FAM90A20: variants seen among roughly 807,000 people sequenced by gnomAD.
FAM90A20 encodes the protein family with sequence similarity 90 member A20.
chr8:7,295,761 G>A, the FAM90A20 span: 2 of 1,287,748 alleles, frequency 1.6e-6, no homozygotes, highest in South Asian at 1.2e-5. Context: ...CTGAAACCAT[G>A]GAAGCCTGGG....
At chr8:7,296,272 C>T in the FAM90A20 span, 6 of 719,428 alleles carry the variant, frequency 8.3e-6, 1 homozygote, top group South Asian at 2.8e-5. Flanking sequence ...ACGGCCTGAC[C>T]TTTTTCTGTT....
the FAM90A20 span, chr8:7,296,467 C>G: frequency 4.8e-5 from 33 of 689,418 alleles, 5 homozygotes; most frequent in Non-Finnish European, 8.0e-5. Flanking sequence ...TTTCAGCTTC[C>G]CGTCTGCGGG....
At chr8:7,297,459 G>A in the FAM90A20 span, 6 of 1,549,790 alleles carry the variant, frequency 3.9e-6, no homozygotes, top group South Asian at 1.1e-5. Flanking sequence ...GCCACACACA[G>A]CTTGGGCCTA....
the FAM90A20 span, chr8:7,297,334 T>G: frequency 2.9e-6 from 4 of 1,370,154 alleles, no homozygotes; most frequent in Non-Finnish European, 4.1e-6. Context: ...GCCCTGAGGG[T>G]AGCTGCCGAG....
chr8:7,297,041 G>T, the FAM90A20 span: 2 of 1,476,106 alleles, frequency 1.4e-6, no homozygotes, highest in South Asian at 2.4e-5. Context: ...CTTCTAACCT[G>T]TGTTGTTTCC....
chr8:7,297,160 C>T, the FAM90A20 span: 7 of 1,531,810 alleles, frequency 4.6e-6, no homozygotes, highest in Non-Finnish European at 6.2e-6. Context: ...CTGGCAGGGG[C>T]TCCGTCTTGG....
At chr8:7,297,701 A>T in the FAM90A20 span, 6 of 1,433,210 alleles carry the variant, frequency 4.2e-6, no homozygotes, top group Admixed American at 1.7e-5. Context: ...CCAGGTGCCC[A>T]GCGTTGAACG....
chr8:7,297,788 G>C, the FAM90A20 span: 1 of 1,319,622 alleles, frequency 7.6e-7, no homozygotes, highest in Non-Finnish European at 1.0e-6. Flanking sequence ...GGCCAGCCAT[G>C]ATGGGGCCCA....
chr8:7,297,650 G>C, the FAM90A20 span: 208 of 1,394,066 alleles, frequency 1.5e-4, 14 homozygotes, highest in Middle Eastern at 9.7e-4. Flanking sequence ...AACCGAACTT[G>C]GACCAAGTAG....
the FAM90A20 span, chr8:7,295,712 G>C: frequency 1.2e-6 from 1 of 864,480 alleles, no homozygotes; most frequent in Non-Finnish European, 1.9e-6. Context: ...GGCAGCCCTG[G>C]TTCCAGCGAC....
the FAM90A20 span, chr8:7,295,120 A>G: frequency 3.2e-5 from 2 of 63,140 alleles, no homozygotes; most frequent in Non-Finnish European, 5.1e-5. Flanking sequence ...CCCCCGCCCG[A>G]TGAAGAAGAT....
chr8:7,296,420 G>T, the FAM90A20 span: 2 of 732,460 alleles, frequency 2.7e-6, no homozygotes, highest in Admixed American at 1.8e-5. Context: ...CCGGGCCCCT[G>T]GTCCTTTTAT....
the FAM90A20 span, chr8:7,296,498 TTTC>T: frequency 1.5e-6 from 1 of 650,552 alleles, no homozygotes; most frequent in Non-Finnish European, 2.8e-6. Flanking sequence ...GGAACCCCTC[TTTC>T]TTGTCTTCTT....
chr8:7,296,414 G>A, the FAM90A20 span: 3 of 737,346 alleles, frequency 4.1e-6, 1 homozygote, highest in East Asian at 7.6e-5. Context: ...GTCACCCCGG[G>A]CCCCTGGTCC....
chr8:7,296,068 A>G, the FAM90A20 span, among the ~76,000 whole-genome samples: 2 of 130,108 alleles, frequency 1.5e-5, 1 homozygote, highest in African/African-American at 8.2e-5. Context: ...CGACAGGGGG[A>G]AAAGCAATGG....
the FAM90A20 span, chr8:7,297,285 T>C: frequency 1.3e-5 from 18 of 1,342,186 alleles, 2 homozygotes; most frequent in Non-Finnish European, 1.9e-5. Flanking sequence ...AGGCACCAGG[T>C]CCACGAGACT....
chr8:7,295,995 C>A, the FAM90A20 span, among the ~76,000 whole-genome samples: 3 of 128,390 alleles, frequency 2.3e-5, 1 homozygote, highest in East Asian at 4.2e-4. Context: ...CACCCAGGAG[C>A]TCCTTGGGCT....
At chr8:7,296,468 C>A in the FAM90A20 span, 6 of 687,542 alleles carry the variant, frequency 8.7e-6, 1 homozygote, top group African/African-American at 5.2e-5. Flanking sequence ...TTCAGCTTCC[C>A]GTCTGCGGGA....
chr8:7,296,368 G>A, the FAM90A20 span: 2 of 745,120 alleles, frequency 2.7e-6, no homozygotes, highest in African/African-American at 2.5e-5. Context: ...GAATGGAAAA[G>A]GATCCACGGA....
Sources: gnomAD v4.1 joint callset for allele counts (sites outside exome capture counted in the v4.1 genomes callset) on GRCh38, gnomAD v4.1.1 for gene constraint, MANE v1.5 for transcripts, NCBI Gene and HGNC (gene_info 2026-07-23, HGNC 2026-07-21) for gene names.